EPPK1: variants seen among roughly 807,000 people sequenced by gnomAD.
EPPK1 encodes the protein epiplakin 1.
For missense variants in EPPK1, 3,823 were observed against 3,673.3 expected (o/e 1.04, Z -1.05); for synonymous variants, 1,862 against 1,721.2 (o/e 1.08, Z -2.03).
At chr8:143,878,646 C>T (rs1308240494), upstream of EPPK1, among the ~76,000 whole-genome samples, 1 of 151,970 alleles carries the variant, frequency 6.6e-6, no homozygotes, top group South Asian at 2.1e-4. Context: ...CAGCCGGGAC[C>T]CTCCCCTCGT....
Position 143,866,528 on chromosome 8 carries a change from C to A in EPPK1, c.6726G>T (p.Lys2242Asn). ...PAKDQPGRQE[K>N]MSIYQAMWKG... ...TCCACATGGCCTGGTAGATGCTCATCTTCTCCTGGCGGCCGGGCTGGTCCT... is the reference window on the plus strand; with the variant it reads ...TCCACATGGCCTGGTAGATGCTCATATTCTCCTGGCGGCCGGGCTGGTCCT... Residue 2242 changes from lysine (K) to asparagine (N), a missense_variant, in exon 2 of 2, where the codon AAG becomes AAT. Physicochemically the swap from Lys to Asn is moderately conservative, Grantham distance 94. Transcript: ENST00000615648. The A allele has an allele frequency of 1.9e-6, 3 of 1,580,406 alleles. No individual in the cohort carries two copies. The highest frequency in any genetic ancestry group is 2.6e-6 in the Non-Finnish European group (3 of 1,166,020).
In EPPK1 at chr8:143,875,767, T is replaced by C. The variant is rs186134907; in HGVS notation, c.-45-2469A>G. ...CAAAAGCTGCTGGCCTGACAGGATG[T>C]AGGAATCACTTCCTGAAGGCACAGC... On this transcript the variant is annotated intron_variant, in intron 1 of 1. Transcript: ENST00000615648. Among the ~76,000 whole-genome samples the C allele has an allele frequency of 2.3e-3, 353 of 152,370 alleles. 3 individuals carry two copies. The highest frequency in any genetic ancestry group is 8.3e-3 in the African/African-American group (344 of 41,592).
chr8:143,869,279 G>A lies in EPPK1; in HGVS notation c.3975C>T (p.Ala1325=), dbSNP rs782492557. ...CCCTAGAGTAGGGATCTGGGTACCC[G>A]GCCGCCGCCCTCTCGGCCTGCCCGA... ...EQLGQAERAA[A]GYPDPYSRAS... The change falls in exon 2 of 2, where the codon GCC becomes GCT. Residue 1325 remains alanine, a synonymous_variant. Transcript: ENST00000615648. 85 of 1,605,498 alleles carry A rather than the reference G, an allele frequency of 5.3e-5. No homozygotes were observed. The highest frequency in any genetic ancestry group is 1.5e-4 in the African/African-American group (11 of 74,922).
chr8:143,874,028 G>GC (rs2130655151), intron 1 of EPPK1, among the ~76,000 whole-genome samples: 1 of 152,302 alleles, frequency 6.6e-6, no homozygotes, highest in Non-Finnish European at 1.5e-5. Flanking sequence ...CTGGGCTATT[G>GC]CCCCTCTGAG....
At position 143,870,124 on chromosome 8, in the gene EPPK1, C is replaced by T. The variant is rs782795255; in HGVS notation, c.3130G>A (p.Val1044Met). The change falls in exon 2 of 2, where the codon GTG becomes ATG. Residue 1044 changes from valine to methionine, a missense_variant. Val to Met is a conservative substitution (Grantham distance 21). Coordinates refer to ENST00000615648, the MANE Select transcript of EPPK1 (RefSeq NM_031308.4). This position sits in a 1 kb window ranked among gnomAD's most constrained non-coding sequence, Gnocchi z 5.2. ...EQAARLLEAQ[V>M]ATGGIIDPTS... Reference sequence around the variant, plus strand: ...GGGTCAATGATCCCTCCTGTGGCCACTTGAGCCTCCAGGAGGCGGGCAGCT... The same window carrying T: ...GGGTCAATGATCCCTCCTGTGGCCATTTGAGCCTCCAGGAGGCGGGCAGCT... 4 of 1,611,540 alleles carry T rather than the reference C, an allele frequency of 2.5e-6. No individual in the cohort carries two copies. The highest frequency in any genetic ancestry group is 2.5e-6 in the Non-Finnish European group (3 of 1,179,362).
At position 143,867,046 on chromosome 8, in the gene EPPK1, C is replaced by G; in HGVS notation, c.6208G>C (p.Glu2070Gln). ...QEKVSYRELQ[E>Q]RCRPQEDTGW... ...GTGTCCTCTTGTGGGCGGCACCTCT[C>G]CTGCAGCTCTCGGTACGAGACCTTC... is the stretch of plus-strand genomic sequence containing the variant. Residue 2070 changes from glutamate to glutamine, a missense_variant, in exon 2 of 2, where the codon GAG becomes CAG. By Grantham distance (29) the Glu-to-Gln change is conservative. Coordinates refer to ENST00000615648, the MANE Select transcript of EPPK1 (RefSeq NM_031308.4). 1.9e-6 allele frequency: 3 copies of G among 1,612,900 alleles called. No homozygotes were observed. Among genetic ancestry groups the G allele is most frequent in the Middle Eastern group, 1.6e-4 (1 of 6,062 alleles).
rs782114813 is a variant in EPPK1 at position 143,868,531 on chromosome 8, C to G, written c.4723G>C (p.Gly1575Arg). 7 of 1,606,328 alleles carry G rather than the reference C, an allele frequency of 4.4e-6. No homozygotes were observed. The highest frequency in any genetic ancestry group is 5.9e-6 in the Non-Finnish European group (7 of 1,176,968). ...RSLEGGNFIA[G>R]VLIQGTQERM... ...TCCTGGGTGCCCTGGATAAGGACCC[C>G]GGCAATGAAGTTGCCTCCCTCCAGG... Residue 1575 changes from glycine to arginine, a missense_variant, in exon 2 of 2, where the codon GGG (glycine) becomes CGG (arginine). Gly to Arg is a moderately radical substitution (Grantham distance 125). Coordinates refer to ENST00000615648, the MANE Select transcript of EPPK1 (RefSeq NM_031308.4).
Position 143,869,554 on chromosome 8 carries a change from C to T in EPPK1, c.3700G>A (p.Glu1234Lys), listed in dbSNP as rs782782070. 88 of 1,559,346 alleles carry T rather than the reference C, an allele frequency of 5.6e-5. No homozygotes were observed. The highest frequency in any genetic ancestry group is 6.8e-5 in the Non-Finnish European group (78 of 1,154,538). ...QGTQSPAQVA[E>K]QPAVKACLWG... ...AGGCAGGCCTTCACCGCCGGCTGCT[C>T]GGCGACCTGGGCGGGCGACTGCGTG... Residue 1234 changes from glutamate to lysine, a missense_variant, in exon 2 of 2, where the codon GAG becomes AAG. Physicochemically the swap from Glu to Lys is moderately conservative, Grantham distance 56. Coordinates refer to ENST00000615648, the MANE Select transcript of EPPK1 (RefSeq NM_031308.4).
chr8:143,871,538 C>G lies in EPPK1; in HGVS notation c.1716G>C (p.Leu572=). ...CCTGGTCGATGATCTCGGCTTTCAG[C>G]AGCTCTCCTGGTGTCACGGTGTCCC... ...GLRDTVTPGE[L]LKAEIIDQDL... Residue 572 remains leucine (L), a synonymous_variant, in exon 2 of 2, where the codon CTG becomes CTC. Transcript: ENST00000615648. 1 of 1,610,080 alleles carries G rather than the reference C, an allele frequency of 6.2e-7. No individual in the cohort carries two copies. Among genetic ancestry groups the G allele is most frequent in the Admixed American group, 1.7e-5 (1 of 59,712 alleles).
At position 143,871,628 on chromosome 8, in the gene EPPK1, G is replaced by A. The variant is rs782755712; in HGVS notation, c.1626C>T (p.Ala542=). ...QEGTLSVEKL[A]AKLSATLEQA... is the part of the protein sequence containing the mutation. ...GCTCGAGGGTGGCGCTCAGCTTAGC[G>A]GCCAGCTTCTCCACGGAGAGGGTCC... The change falls in exon 2 of 2, where the codon GCC becomes GCT. Residue 542 remains alanine (A), a synonymous_variant. Transcript: ENST00000615648. The A allele has an allele frequency of 2.5e-5, 40 of 1,604,538 alleles. No homozygotes were observed. The South Asian group carries it at 2.9e-4, about 12-fold the overall frequency.
chr8:143,867,030 T>G lies in EPPK1; in HGVS notation c.6224A>C (p.Gln2075Pro), dbSNP rs79860671. The G allele has an allele frequency of 0.014, 22,473 of 1,612,786 alleles. 251 individuals carry two copies. The highest frequency in any genetic ancestry group is 0.017 in the Non-Finnish European group (19,742 of 1,179,826). Residue 2075 changes from glutamine to proline, a missense_variant, in exon 2 of 2, where the codon CAA becomes CCA. Physicochemically the swap from Gln to Pro is moderately conservative, Grantham distance 76. Transcript: ENST00000615648. ...YRELQERCRP[Q>P]EDTGWLLFPV... ...GAACAGCAGCCAGCCCGTGTCCTCTTGTGGGCGGCACCTCTCCTGCAGCTC... is the reference window on the plus strand; with the variant it reads ...GAACAGCAGCCAGCCCGTGTCCTCTGGTGGGCGGCACCTCTCCTGCAGCTC...
chr8:143,874,698 A>G (rs1372233463), intron 1 of EPPK1, among the ~76,000 whole-genome samples: 1 of 151,388 alleles, frequency 6.6e-6, no homozygotes, highest in Non-Finnish European at 1.5e-5. Flanking sequence ...CCCTGTGCCC[A>G]CCCACCCAGG....
Position 143,866,975 on chromosome 8 carries a change from C to G in EPPK1, c.6279G>C (p.Glu2093Asp), listed in dbSNP as rs551942992. 1.9e-6 allele frequency: 3 copies of G among 1,612,850 alleles called. No individual in the cohort carries two copies. The South Asian group carries it at 3.3e-5, about 18-fold the overall frequency. ...FPVNKAARDSEHIDDETRRAL... is the reference protein window; with the variant it reads ...FPVNKAARDSDHIDDETRRAL... ...CCCTTCTCGTCTCGTCATCGATGTGCTCGGAGTCCCGTGCAGCCTTGTTCA... is the reference window on the plus strand; with the variant it reads ...CCCTTCTCGTCTCGTCATCGATGTGGTCGGAGTCCCGTGCAGCCTTGTTCA... The change falls in exon 2 of 2, where the codon GAG becomes GAC. Residue 2093 changes from glutamate (E) to aspartate (D), a missense_variant. By Grantham distance (45) the Glu-to-Asp change is conservative. Coordinates refer to ENST00000615648, the MANE Select transcript of EPPK1 (RefSeq NM_031308.4).
At position 143,870,228 on chromosome 8, in the gene EPPK1, G is replaced by A. The variant is rs782044175; in HGVS notation, c.3026C>T (p.Ala1009Val). 13 of 1,606,714 alleles carry A rather than the reference G, an allele frequency of 8.1e-6. No individual in the cohort carries two copies. The highest frequency in any genetic ancestry group is 3.4e-5 in the Admixed American group (2 of 59,304). Reference sequence around the variant, plus strand: ...CCCAGAGAAGGGGTCTCTGAAGCCAGCAATGGCACCCTCAGCCCGCTTCAG... The same window carrying A: ...CCCAGAGAAGGGGTCTCTGAAGCCAACAATGGCACCCTCAGCCCGCTTCAG... ...GRLKRAEGAI[A>V]GFRDPFSGKQ... is the part of the protein sequence containing the mutation. The change falls in exon 2 of 2, where the codon GCT (alanine) becomes GTT (valine). Residue 1009 changes from alanine (A) to valine (V), a missense_variant. Coordinates refer to ENST00000615648, the MANE Select transcript of EPPK1 (RefSeq NM_031308.4). This position sits in a 1 kb window ranked among gnomAD's most constrained non-coding sequence, Gnocchi z 5.2.
Position 143,871,343 on chromosome 8 carries a change from G to C in EPPK1, c.1911C>G (p.Pro637=), listed in dbSNP as rs560197070. 8 of 1,610,438 alleles carry C rather than the reference G, an allele frequency of 5.0e-6. No homozygotes were observed. Among genetic ancestry groups the C allele is most frequent in the South Asian group, 1.1e-5 (1 of 90,650 alleles). ...YEARCKGLLR[P]GTALILLEAQ... ...CCTCCAGAAGGATGAGGGCAGTGCC[G>C]GGCCGGAGGAGCCCCTTGCATCGGG... The change falls in exon 2 of 2, where the codon CCC becomes CCG. Residue 637 remains proline, a synonymous_variant. Coordinates refer to ENST00000615648, the MANE Select transcript of EPPK1 (RefSeq NM_031308.4).
Position 143,869,706 on chromosome 8 carries a change from AC to A in EPPK1, c.3547del (p.Val1183TyrfsTer56). 6.3e-7 allele frequency: 1 copy of A among 1,596,444 alleles called. No homozygotes were observed. ...CTGGGCCAGGAGCTTGGTCTCCTGT[AC>A]CCACCTCTGCACAGAGGCTAGCAGC... is the stretch of plus-strand genomic sequence containing the variant. ...PQLLASVQRW[V>X]QETKLLAQAR... On this transcript the variant is annotated frameshift_variant, in exon 2 of 2. Transcript: ENST00000615648. LOFTEE classifies it low-confidence loss of function (END_TRUNC).
Position 143,870,571 on chromosome 8 carries a change from C to T in EPPK1, c.2683G>A (p.Ala895Thr). Residue 895 changes from alanine (A) to threonine (T), a missense_variant, in exon 2 of 2, where the codon GCC becomes ACC. Coordinates refer to ENST00000615648, the MANE Select transcript of EPPK1 (RefSeq NM_031308.4). The surrounding 1 kb of genome is among the most constrained non-coding windows in gnomAD (Gnocchi z 5.2). ...SRVTVHQLLEAGIIDQQLLDQ... is the reference protein window; with the variant it reads ...SRVTVHQLLETGIIDQQLLDQ... ...AACAGCTGCTGGTCAATGATACCGG[C>T]CTCCAGGAGCTGGTGGACGGTGACC... is the stretch of plus-strand genomic sequence containing the variant. The T allele has an allele frequency of 4.3e-6, 7 of 1,611,378 alleles. No homozygotes were observed. The highest frequency in any genetic ancestry group is 5.9e-6 in the Non-Finnish European group (7 of 1,179,380).
Position 143,869,659 on chromosome 8 carries a change from G to A in EPPK1, c.3595C>T (p.Pro1199Ser), listed in dbSNP as rs1819269667. 1.3e-6 allele frequency: 2 copies of A among 1,594,960 alleles called. No homozygotes were observed. Among genetic ancestry groups the A allele is most frequent in the African/African-American group, 1.3e-5 (1 of 74,520 alleles). The change falls in exon 2 of 2, where the codon CCA (proline) becomes TCA (serine). Residue 1199 changes from proline to serine, a missense_variant. By Grantham distance (74) the Pro-to-Ser change is moderately conservative. Transcript: ENST00000615648. Reference protein sequence around the residue: ...LAQARVMVPGPRGEVPAVWLL... With the variant: ...LAQARVMVPGSRGEVPAVWLL... ...CAGACAGCGGGTACCTCACCCCGTG[G>A]GCCGGGCACCATGACGCGGGCCTGG...
rs782698275 is a variant in EPPK1, at chr8:143,871,915, G to A, written c.1339C>T (p.Arg447Cys). ...SFSDGTHGGL[R>C]YEQLLALCVT... ...CAGAGGGCCAGCAGCTGTTCATAGC[G>A]CAGGCCGCCGTGCGTGCCGTCTGAG... Residue 447 changes from arginine (R) to cysteine (C), a missense_variant, in exon 2 of 2, where the codon CGC (arginine) becomes TGC (cysteine). Physicochemically the swap from Arg to Cys is radical, Grantham distance 180. Coordinates refer to ENST00000615648, the MANE Select transcript of EPPK1 (RefSeq NM_031308.4). 7.5e-6 allele frequency: 12 copies of A among 1,605,962 alleles called. No homozygotes were observed. The highest frequency in any genetic ancestry group is 2.7e-5 in the African/African-American group (2 of 74,914).
Sources: gnomAD v4.1 joint callset for allele counts (sites outside exome capture counted in the v4.1 genomes callset) on GRCh38, gnomAD v4.1.1 for gene constraint, Gnocchi (gnomAD v3.1) non-coding constraint, MANE v1.5 for transcripts, NCBI Gene and HGNC (gene_info 2026-07-23, HGNC 2026-07-21) for gene names.